Variants in TRAPPC9 observed in about 807,000 individuals in gnomAD.
TRAPPC9 encodes trafficking protein particle complex subunit 9.
A neutral mutation model predicts 124.0 loss-of-function variants in TRAPPC9; 83 were observed. The ratio of observed to expected loss-of-function variants is 0.67; its 90% confidence interval spans 0.56 to 0.80. The LOEUF is 0.80. TRAPPC9 is among the 30% of genes least tolerant of loss of function. TRAPPC9 has a pLI of 0.00. For synonymous variants in TRAPPC9, 638 were observed against 617.5 expected (o/e 1.03, Z -0.49); for missense variants, 1,302 against 1,508.3 (o/e 0.86, Z 2.27).
In TRAPPC9 at chr8:140,108,798, T is replaced by C. The variant is rs546030147; in HGVS notation, c.2557-84719A>G. Among the ~76,000 whole-genome samples the C allele has an allele frequency of 2.0e-5, 3 of 152,356 alleles. No homozygotes were observed. In the South Asian group the frequency reaches 6.2e-4, roughly 32 times the overall value. On this transcript the variant is annotated intron_variant, in intron 17 of 22. Coordinates refer to ENST00000438773, the MANE Select transcript of TRAPPC9 (RefSeq NM_001160372.4). ...TGTTCCTCATGACCCGTGTAGTTAA[T>C]ATTTGGCTTCAGTCAGAGCAGCGTG... is the stretch of plus-strand genomic sequence containing the variant.
chr8:139,860,258 C>A (rs1304554591), intron 21 of TRAPPC9, among the ~76,000 whole-genome samples: 2 of 152,196 alleles, frequency 1.3e-5, no homozygotes, highest in African/African-American at 4.8e-5. Context: ...AGCTAGCCCA[C>A]TGAAGACCAG....
intron 17 of TRAPPC9, among the ~76,000 whole-genome samples, chr8:140,204,051 A>G (rs933738648): frequency 1.3e-5 from 2 of 152,042 alleles, no homozygotes; most frequent in African/African-American, 4.8e-5. Context: ...GTGACCTCCA[A>G]TGTTGGAGGT....
intron 18 of TRAPPC9, among the ~76,000 whole-genome samples, chr8:140,006,513 G>A (rs948998961): frequency 2.6e-4 from 39 of 152,160 alleles, no homozygotes; most frequent in African/African-American, 9.4e-4. Context: ...GTACCCAAGA[G>A]AAATGAAAAC....
intron 19 of TRAPPC9, among the ~76,000 whole-genome samples, chr8:139,934,811 G>A (rs917081499): frequency 3.9e-5 from 6 of 152,188 alleles, no homozygotes; most frequent in African/African-American, 1.2e-4. Context: ...GCAGGACAGC[G>A]CTGGCCAAAG....
chr8:140,082,558 G>A (rs538516449), intron 17 of TRAPPC9, among the ~76,000 whole-genome samples: 1 of 152,232 alleles, frequency 6.6e-6, no homozygotes, highest in East Asian at 1.9e-4. Context: ...CAAAAGAAAA[G>A]GGGTAAAGGA....
intron 17 of TRAPPC9, among the ~76,000 whole-genome samples, chr8:140,045,631 GAAAAAAAAAAAA>G (rs57243402): frequency 2.7e-4 from 9 of 33,266 alleles, no homozygotes; most frequent in South Asian, 2.0e-3. Context: ...CATCTCGGCA[GAAAAAAAAAAAA>G]AAAAAAAAAA....
chr8:140,395,981 C>T (rs374469011), intron 7 of TRAPPC9, among the ~76,000 whole-genome samples: 8 of 152,106 alleles, frequency 5.3e-5, no homozygotes, highest in East Asian at 3.9e-4. Context: ...ACGTTTCCAG[C>T]GGGCTGGCCT....
In TRAPPC9 at chr8:140,101,548, T is replaced by G. The variant is rs530184369; in HGVS notation, c.2557-77469A>C. 1.6e-4 allele frequency among the ~76,000 whole-genome samples: 23 copies of G among 140,216 alleles called. 1 individual carries two copies. Among genetic ancestry groups the G allele is most frequent in the Admixed American group, 2.1e-4 (3 of 14,270 alleles). The allele number at this position is 140,216 out of a possible 152,430, so 92.0% of individuals were successfully genotyped here. On this transcript the variant is annotated intron_variant, in intron 17 of 22. Transcript: ENST00000438773. The stretch of plus-strand genomic sequence containing the variant: ...TAGGGTTTTCTTTTTTTTGTTTTTT[T>G]TTTTTTTTTTTGAGACGTAGTTTTG...
chr8:140,441,003 A>G (rs1425071138), intron 2 of TRAPPC9, among the ~76,000 whole-genome samples: 1 of 127,510 alleles, frequency 7.8e-6, no homozygotes, highest in Non-Finnish European at 1.6e-5. Flanking sequence ...TTTGGAGACA[A>G]GGTCTTATTC....
chr8:140,350,827 G>T (rs187697701), intron 9 of TRAPPC9, among the ~76,000 whole-genome samples: 1 of 152,224 alleles, frequency 6.6e-6, no homozygotes, highest in African/African-American at 2.4e-5. Flanking sequence ...CAGGGCCGGG[G>T]GCAGAACCTG....
chr8:140,274,063 A>C (rs2131639711), intron 15 of TRAPPC9, among the ~76,000 whole-genome samples: 1 of 152,312 alleles, frequency 6.6e-6, no homozygotes, highest in East Asian at 1.9e-4. Context: ...AGATGAATGC[A>C]AGAACCACTC....
At chr8:139,790,572 C>A (rs1000672254) in intron 21 of TRAPPC9, among the ~76,000 whole-genome samples, 2 of 152,178 alleles carry the variant, frequency 1.3e-5, no homozygotes, top group African/African-American at 4.8e-5. Context: ...AGACACTTGG[C>A]GGAGCCTGGA....
At chr8:140,335,433 A>T (rs2067009155) in intron 9 of TRAPPC9, among the ~76,000 whole-genome samples, 1 of 152,126 alleles carries the variant, frequency 6.6e-6, no homozygotes, top group Admixed American at 6.6e-5. Flanking sequence ...CTTGGGGATG[A>T]CTGACAAAGT....
At chr8:140,407,813 G>A (rs1242569287) in intron 5 of TRAPPC9, among the ~76,000 whole-genome samples, 3 of 152,032 alleles carry the variant, frequency 2.0e-5, no homozygotes, top group Non-Finnish European at 2.9e-5. Context: ...GTAGAGATGG[G>A]GTTTCACCAT....
At chr8:140,210,675 A>G (rs554470923) in intron 17 of TRAPPC9, among the ~76,000 whole-genome samples, 1 of 152,312 alleles carries the variant, frequency 6.6e-6, no homozygotes, top group African/African-American at 2.4e-5. Flanking sequence ...TGATGAAGGC[A>G]CTGCCTGTCC....
At position 140,257,846 on chromosome 8, in the gene TRAPPC9, C is replaced by T. The variant is rs1407205053; in HGVS notation, c.2279-4917G>A. Among the ~76,000 whole-genome samples the T allele has an allele frequency of 6.6e-6, 1 of 152,222 alleles. No individual in the cohort carries two copies. Among genetic ancestry groups the T allele is most frequent in the East Asian group, 1.9e-4 (1 of 5,202 alleles). On this transcript the variant is annotated intron_variant, in intron 15 of 22. Coordinates refer to ENST00000438773, the MANE Select transcript of TRAPPC9 (RefSeq NM_001160372.4). This position sits in a 1 kb window ranked among gnomAD's most constrained non-coding sequence, Gnocchi z 4.6. ...TGCCTCCAGGACAGGCTCCAGCACT[C>T]TGCACCCAACTGTGTGAGCTGATCT... is the stretch of plus-strand genomic sequence containing the variant.
intron 19 of TRAPPC9, among the ~76,000 whole-genome samples, chr8:139,967,660 G>A (rs924880012): frequency 6.6e-6 from 1 of 152,224 alleles, no homozygotes; most frequent in African/African-American, 2.4e-5. Context: ...ACATGGTGAG[G>A]AAATGCCTGG....
intron 17 of TRAPPC9, among the ~76,000 whole-genome samples, chr8:140,109,985 T>G (rs1469205312): frequency 6.6e-6 from 1 of 152,064 alleles, no homozygotes; most frequent in Non-Finnish European, 1.5e-5. Context: ...GCTTATACCC[T>G]CTGCTGTGTT....
In TRAPPC9 at chr8:140,311,255, T is replaced by C; in HGVS notation, c.1615A>G (p.Ile539Val). The C allele has an allele frequency of 6.2e-7, 1 of 1,611,432 alleles. No individual in the cohort carries two copies. The highest frequency in any genetic ancestry group is 1.1e-5 in the South Asian group (1 of 91,080). ...LPPVPFTKLP[I>V]VRHVKLLNLP... ...CTGCAGTGCCCATCTCACCTGACGA[T>C]GGGAAGCTTGGTGAAGGGCACCGGT... Residue 539 changes from isoleucine (I) to valine (V), a missense_variant, in exon 10 of 23, where the codon ATC becomes GTC. Around this residue, in one of 3 missense-constraint regions of TRAPPC9, gnomAD observed 657 missense variants for 811.2 expected, o/e 0.81. Transcript: ENST00000438773.
Sources: gnomAD v4.1 joint callset for allele counts (sites outside exome capture counted in the v4.1 genomes callset) on GRCh38, gnomAD v4.1.1 for gene constraint, gnomAD v4.1.1 regional missense constraint, Gnocchi (gnomAD v3.1) non-coding constraint, MANE v1.5 for transcripts, NCBI Gene and HGNC (gene_info 2026-07-23, HGNC 2026-07-21) for gene names.